Variants in SLC22A23 observed in about 807,000 individuals in gnomAD.
SLC22A23 encodes ion transporter protein.
Under a neutral mutation model 61.0 loss-of-function variants are expected in SLC22A23, and 26 were observed. The ratio of observed to expected loss-of-function variants is 0.43; its 90% CI spans 0.31 to 0.59. The LOEUF is 0.59. Among genes scored for constraint, SLC22A23 ranks in the 20% least tolerant of loss-of-function variants. SLC22A23 has a pLI of 0.11. For missense variants in SLC22A23, 796 were observed against 934.7 expected, an observed-to-expected ratio of 0.85 and a Z score of 1.94; for synonymous variants, 430 against 413.9, an observed-to-expected ratio of 1.04 and a Z score of -0.47.
chr6:3,389,146 A>T (rs1019699456), intron 3 of SLC22A23, among the ~76,000 whole-genome samples: 1 of 151,540 alleles, frequency 6.6e-6, no homozygotes, highest in African/African-American at 2.4e-5. Context: ...AGCATGCCTG[A>T]GATCCCAGCT....
In SLC22A23 at chr6:3,333,346, C is replaced by T. The variant is rs922915053; in HGVS notation, c.914-9344G>A. ...TCACTCTGGGTGATAGCTAATTTCACACCACACGTGCCCCTCCAAGGGCTC... is the reference window on the plus strand; with the variant it reads ...TCACTCTGGGTGATAGCTAATTTCATACCACACGTGCCCCTCCAAGGGCTC... On this transcript the variant is annotated intron_variant, in intron 3 of 9. Coordinates refer to ENST00000406686, the MANE Select transcript of SLC22A23 (RefSeq NM_015482.2). This position sits in a 1 kb window ranked among gnomAD's most constrained non-coding sequence, Gnocchi z 4.1. 6.6e-6 allele frequency among the ~76,000 whole-genome samples: 1 copy of T among 152,180 alleles called. No homozygotes were observed. Among genetic ancestry groups the T allele is most frequent in the Non-Finnish European group, 1.5e-5 (1 of 68,028 alleles).
rs75249186 is a variant in SLC22A23, at chr6:3,391,699, T to C, written c.913+18489A>G. On this transcript the variant is annotated intron_variant, in intron 3 of 9. Transcript: ENST00000406686. Reference sequence around the variant, plus strand: ...GATGAGTGGTATGCGGAGATACAAATACACAAATAAATGAAGGTATTTTAA... The same window carrying C: ...GATGAGTGGTATGCGGAGATACAAACACACAAATAAATGAAGGTATTTTAA... Among the ~76,000 whole-genome samples the C allele has an allele frequency of 9.4e-4, 143 of 152,254 alleles. 3 individuals are homozygous for C. In the East Asian group the frequency reaches 0.024, roughly 26 times the overall value.
intron 3 of SLC22A23, among the ~76,000 whole-genome samples, chr6:3,378,464 T>C (rs1333719493): frequency 6.6e-6 from 1 of 152,148 alleles, no homozygotes; most frequent in East Asian, 1.9e-4. Context: ...GGGTAATTGT[T>C]TCCTTTGAAA....
At chr6:3,400,956 T>C (rs1347877192) in intron 3 of SLC22A23, among the ~76,000 whole-genome samples, 1 of 152,268 alleles carries the variant, frequency 6.6e-6, no homozygotes, top group Non-Finnish European at 1.5e-5. Flanking sequence ...ATTCCATTTT[T>C]TTCTGCTCAA....
At chr6:3,381,192 GCTAT>G (rs1163948121) in intron 3 of SLC22A23, among the ~76,000 whole-genome samples, 1 of 151,786 alleles carries the variant, frequency 6.6e-6, no homozygotes, top group African/African-American at 2.4e-5. Context: ...CCTTCCCGTG[GCTAT>G]CTCTCTGCCA....
At chr6:3,290,464 C>T (rs1760476709) in intron 5 of SLC22A23, 2 of 163,060 alleles carry the variant, frequency 1.2e-5, no homozygotes, top group South Asian at 3.4e-4. Flanking sequence ...TGTGTATACA[C>T]CATACATGCA....
In SLC22A23 at chr6:3,408,513, C is replaced by T. The variant is rs930911060; in HGVS notation, c.913+1675G>A. On this transcript the variant is annotated intron_variant, in intron 3 of 9. Coordinates refer to ENST00000406686, the MANE Select transcript of SLC22A23 (RefSeq NM_015482.2). ...TGGCAAATGCCAGTTACACAGGTAG[C>T]CCTTCCCTACCCTCCTTCCTTGACA... Among the ~76,000 whole-genome samples, 3 of 152,098 alleles carry T rather than the reference C, an allele frequency of 2.0e-5. No homozygotes were observed. In the East Asian group the frequency reaches 5.8e-4, roughly 29 times the overall value.
intron 1 of SLC22A23, among the ~76,000 whole-genome samples, chr6:3,416,663 C>T (rs553025188): frequency 6.6e-6 from 1 of 152,236 alleles, no homozygotes; most frequent in East Asian, 1.9e-4. Flanking sequence ...CAGCTTTCAT[C>T]TGGGCCAGAG....
chr6:3,365,192 C>T (rs372918262), intron 3 of SLC22A23, among the ~76,000 whole-genome samples: 2 of 152,080 alleles, frequency 1.3e-5, no homozygotes, highest in South Asian at 2.1e-4. Flanking sequence ...CATGGTGGCA[C>T]GCACCTGTAG....
chr6:3,323,537 A>T lies in SLC22A23; in HGVS notation c.1082+297T>A, dbSNP rs1405576502. On this transcript the variant is annotated intron_variant, in intron 4 of 9. Coordinates refer to ENST00000406686, the MANE Select transcript of SLC22A23 (RefSeq NM_015482.2). ...CATTCATAAAAATTCATGTCAGAAT[A>T]ACCCCGTGGGGTGGGTAGCAAGAAG... 8 of 484,772 alleles carry T rather than the reference A, an allele frequency of 1.7e-5. No individual in the cohort carries two copies. In the Admixed American group the frequency reaches 2.6e-4, roughly 16 times the overall value. The allele number at this position is 484,772 out of a possible 1,614,324, so 30.0% of individuals were successfully genotyped here. A position where few individuals can be genotyped will look rare whatever the true frequency, so the allele number is the denominator to read the frequency against.
intron 3 of SLC22A23, among the ~76,000 whole-genome samples, chr6:3,363,058 A>C (rs1206641039): frequency 6.6e-6 from 1 of 152,164 alleles, no homozygotes; most frequent in Non-Finnish European, 1.5e-5. Context: ...CCCGCAGCCC[A>C]CTGCCTGCAA....
intron 1 of SLC22A23, among the ~76,000 whole-genome samples, chr6:3,421,007 A>C (rs1371133111): frequency 3.9e-5 from 6 of 152,168 alleles, no homozygotes; most frequent in Admixed American, 3.9e-4. Flanking sequence ...AGCCTACGGC[A>C]TGAGAATTGC....
chr6:3,395,330 A>G (rs1259108500), intron 3 of SLC22A23, among the ~76,000 whole-genome samples: 2 of 152,208 alleles, frequency 1.3e-5, no homozygotes, highest in Non-Finnish European at 2.9e-5. Context: ...ATAAAGTAGT[A>G]GGAGAATCAA....
chr6:3,285,554 GCAC>G (rs1005477585), intron 7 of SLC22A23, among the ~76,000 whole-genome samples: 3 of 152,208 alleles, frequency 2.0e-5, no homozygotes, highest in African/African-American at 7.2e-5. Flanking sequence ...GGCCAAAGGG[GCAC>G]CACAACACCC....
At chr6:3,448,745 C>T (rs543406024) in intron 1 of SLC22A23, among the ~76,000 whole-genome samples, 9 of 152,300 alleles carry the variant, frequency 5.9e-5, no homozygotes, top group Middle Eastern at 3.4e-3. Context: ...CCGCCCACCT[C>T]GGCCTCCCAA....
intron 2 of SLC22A23, among the ~76,000 whole-genome samples, chr6:3,413,824 G>C (rs1421874749): frequency 3.3e-5 from 5 of 152,152 alleles, no homozygotes; most frequent in Non-Finnish European, 7.4e-5. Context: ...AATGGAGTTG[G>C]AAAATACCAA....
intron 1 of SLC22A23, among the ~76,000 whole-genome samples, chr6:3,453,145 A>T (rs1241453878): frequency 1.3e-5 from 2 of 152,204 alleles, no homozygotes; most frequent in East Asian, 1.9e-4. Flanking sequence ...AACCAGAGCG[A>T]TAAGTATGGC....
chr6:3,324,005 A>G lies in SLC22A23; in HGVS notation c.914-3T>C. On this transcript the variant is annotated splice_region_variant and splice_polypyrimidine_tract_variant and intron_variant, in intron 3 of 9. Transcript: ENST00000406686. The surrounding 1 kb of genome is among the most constrained non-coding windows in gnomAD (Gnocchi z 4.3). ...TCCAGGGGGGCACAGCTCTATTCCT[A>G]GAACACAGAACCAATGAGAGAGAGA... 1 of 1,613,698 alleles carries G rather than the reference A, an allele frequency of 6.2e-7. No homozygotes were observed.
rs544353119 is a variant in SLC22A23 at position 3,309,803 on chromosome 6, T to G, written c.1083-11585A>C. 3.8e-4 allele frequency among the ~76,000 whole-genome samples: 58 copies of G among 152,226 alleles called. No individual in the cohort carries two copies. The highest frequency in any genetic ancestry group is 3.4e-3 in the Middle Eastern group (1 of 292). Reference sequence around the variant, plus strand: ...GCAACATTACAAAACGGAACTACAGTCAGAAGGGCATCTCCGGATTGCACT... The same window carrying G: ...GCAACATTACAAAACGGAACTACAGGCAGAAGGGCATCTCCGGATTGCACT... On this transcript the variant is annotated intron_variant, in intron 4 of 9. Coordinates refer to ENST00000406686, the MANE Select transcript of SLC22A23 (RefSeq NM_015482.2). This position sits in a 1 kb window ranked among gnomAD's most constrained non-coding sequence, Gnocchi z 4.7.
Sources: allele counts gnomAD v4.1 joint callset (sites outside exome capture counted in the v4.1 genomes callset), GRCh38; gene constraint gnomAD v4.1.1; non-coding constraint Gnocchi (gnomAD v3.1); transcripts MANE v1.5; gene names NCBI Gene and HGNC (gene_info 2026-07-23, HGNC 2026-07-21).